ITGA2: variants seen among roughly 807,000 people sequenced by gnomAD.
The protein encoded by ITGA2 is integrin subunit alpha 2.
ITGA2 carries 101 observed loss-of-function variants against 146.3 expected under a neutral mutation model. That is an observed-to-expected ratio of 0.69 (90% CI 0.59 to 0.81). The LOEUF (loss-of-function observed/expected upper bound fraction) is 0.81, where lower values mean the gene tolerates loss of function less well. Ranked by LOEUF, ITGA2 falls within the 40% of genes least tolerant of loss-of-function variation. The pLI, the probability that ITGA2 is intolerant of heterozygous loss-of-function variation, is 0.00. For missense variants in ITGA2, 1,281 were observed against 1,402.7 expected (o/e 0.91, Z 1.39); for synonymous variants, 477 against 487.1 (o/e 0.98, Z 0.27).
At chr5:53,022,860 CT>C (rs1742756642) in intron 1 of ITGA2, among the ~76,000 whole-genome samples, 1 of 152,136 alleles carries the variant, frequency 6.6e-6, no homozygotes, top group Non-Finnish European at 1.5e-5. Flanking sequence ...TTAACTTATG[CT>C]TGACTATCTG....
chr5:53,041,946 A>C (rs1347784748), intron 2 of ITGA2, among the ~76,000 whole-genome samples, 166 bp from the exon 3 acceptor site: 1 of 152,126 alleles, frequency 6.6e-6, no homozygotes, highest in Admixed American at 6.6e-5. Flanking sequence ...ACATTGATCA[A>C]AGCTCTTTAT....
chr5:53,046,776 A>G (rs895049275), intron 4 of ITGA2, among the ~76,000 whole-genome samples: 1 of 152,160 alleles, frequency 6.6e-6, no homozygotes, highest in Non-Finnish European at 1.5e-5. Context: ...GATACTCTTA[A>G]GAATTATGTG....
chr5:53,038,069 A>G (rs1347526522), intron 2 of ITGA2, among the ~76,000 whole-genome samples: 1 of 152,176 alleles, frequency 6.6e-6, no homozygotes, highest in East Asian at 1.9e-4. Context: ...AAGGTTATCA[A>G]ATCCTGAATT....
chr5:53,042,052 G>T lies in ITGA2; in HGVS notation c.186-60G>T, dbSNP rs3212440. ...TGTGTTTTTCACTGTTTGTGATCAG[G>T]TTTATCTTTAAGAAACTATACTTAA... is the stretch of plus-strand genomic sequence containing the variant. On this transcript the variant is annotated intron_variant, in intron 2 of 29. Transcript: ENST00000296585. 1,138 of 995,116 alleles carry T rather than the reference G, an allele frequency of 1.1e-3. 9 individuals carry two copies. The African/African-American group carries it at 0.017, about 15-fold the overall frequency. The allele number at this position is 995,116 out of a possible 1,614,324, so 61.6% of individuals were successfully genotyped here.
chr5:53,008,422 A>G (rs990043929), intron 1 of ITGA2, among the ~76,000 whole-genome samples: 1 of 151,270 alleles, frequency 6.6e-6, no homozygotes, highest in African/African-American at 2.4e-5. Context: ...ATTGAGGGTT[A>G]GGGTTTGAAT....
intron 1 of ITGA2, among the ~76,000 whole-genome samples, chr5:53,020,245 TAG>T (rs1197527623): frequency 6.6e-6 from 1 of 152,162 alleles, no homozygotes; most frequent in Non-Finnish European, 1.5e-5. Context: ...CAGTTTTGAA[TAG>T]AGAGAGAAAA....
intron 13 of ITGA2, 60 bp from the exon 14 acceptor site, chr5:53,064,852 A>T: frequency 6.5e-7 from 1 of 1,536,934 alleles, no homozygotes; most frequent in East Asian, 2.3e-5. Flanking sequence ...GCTGCTCTGA[A>T]TTTTAATTAT....
At position 53,043,716 on chromosome 5, in the gene ITGA2, G is replaced by A. The variant is rs560025490; in HGVS notation, c.296-1285G>A. Among the ~76,000 whole-genome samples the A allele has an allele frequency of 3.3e-5, 5 of 152,280 alleles. No individual in the cohort carries two copies. In the South Asian group the frequency reaches 1.0e-3, roughly 32 times the overall value. On this transcript the variant is annotated intron_variant, in intron 3 of 29. Coordinates refer to ENST00000296585, the MANE Select transcript of ITGA2 (RefSeq NM_002203.4). ...GATACTTTTTGTAGGGAACATGGAG[G>A]CAGCAGTAAAAAGGGATGATTTGTC...
At chr5:53,005,341 TG>T (rs1487899118) in intron 1 of ITGA2, among the ~76,000 whole-genome samples, 1 of 151,960 alleles carries the variant, frequency 6.6e-6, no homozygotes, top group Non-Finnish European at 1.5e-5. Flanking sequence ...GAGATGAAAG[TG>T]GGGGCCAGGT....
At chr5:53,067,352 T>A (rs73756612) in intron 16 of ITGA2, 95 bp downstream of exon 16, 1 of 1,378,914 alleles carries the variant, frequency 7.3e-7, no homozygotes, top group East Asian at 2.4e-5. Flanking sequence ...CCAAGAGAAA[T>A]AAGGGTTTTA....
At position 53,090,008 on chromosome 5, in the gene ITGA2, A is replaced by G; in HGVS notation, c.3411A>G (p.Gly1137=). Residue 1137 remains glycine, a synonymous_variant, in exon 29 of 30, where the codon GGA becomes GGG. Coordinates refer to ENST00000296585, the MANE Select transcript of ITGA2 (RefSeq NM_002203.4). ...KAEVPTGVII[G]SIIAGILLLL... ...AAGTACCAACAGGAGTTATAATAGG[A>G]AGTATAATTGCTGGAATCCTTTTGC... is the stretch of plus-strand genomic sequence containing the variant. 1 of 1,613,602 alleles carries G rather than the reference A, an allele frequency of 6.2e-7. No homozygotes were observed. The highest frequency in any genetic ancestry group is 8.5e-7 in the Non-Finnish European group (1 of 1,179,554).
At chr5:53,063,128 A>G (rs1744976186) in intron 13 of ITGA2, among the ~76,000 whole-genome samples, 199 bp downstream of exon 13, 2 of 151,906 alleles carry the variant, frequency 1.3e-5, no homozygotes, top group African/African-American at 4.8e-5. Context: ...AGTTGAATGT[A>G]TAGTGTACTG....
At chr5:53,004,552 G>A (rs1741733244) in intron 1 of ITGA2, among the ~76,000 whole-genome samples, 1 of 152,082 alleles carries the variant, frequency 6.6e-6, no homozygotes, top group East Asian at 1.9e-4. Context: ...GGGCACTGGA[G>A]GATTGAGGCA....
chr5:53,058,014 G>C lies in ITGA2; in HGVS notation c.1097-11G>C, dbSNP rs1233221319. ...TGACAGTAATACAATTTTTAAAATT[G>C]AATGTTCCAGGTACTGTTCAAGGAG... is the stretch of plus-strand genomic sequence containing the variant. On this transcript the variant is annotated splice_polypyrimidine_tract_variant and intron_variant, in intron 9 of 29. Transcript: ENST00000296585. The C allele has an allele frequency of 3.1e-6, 5 of 1,604,094 alleles. No homozygotes were observed. Among genetic ancestry groups the C allele is most frequent in the Non-Finnish European group, 4.3e-6 (5 of 1,171,808 alleles).
intron 2 of ITGA2, among the ~76,000 whole-genome samples, chr5:53,041,859 C>T: frequency 6.6e-6 from 1 of 152,050 alleles, no homozygotes; most frequent in East Asian, 1.9e-4. Context: ...ATATTCGTAG[C>T]TTGCATTATA....
Position 53,069,479 on chromosome 5 carries a change from G to A in ITGA2, c.2084-630G>A, listed in dbSNP as rs531493268. Among the ~76,000 whole-genome samples, 138 of 151,988 alleles carry A rather than the reference G, an allele frequency of 9.1e-4. 2 individuals carry two copies. The highest frequency in any genetic ancestry group is 8.9e-3 in the Admixed American group (135 of 15,246). ...GAGCATCTAGAATAGGTCAAGCACTGTCCATGTTCCCTTAGAGTATCTCAG... is the reference window on the plus strand; with the variant it reads ...GAGCATCTAGAATAGGTCAAGCACTATCCATGTTCCCTTAGAGTATCTCAG... On this transcript the variant is annotated intron_variant, in intron 16 of 29. Transcript: ENST00000296585.
At chr5:53,088,600 C>T (rs766032150) in intron 28 of ITGA2, among the ~76,000 whole-genome samples, 2 of 150,288 alleles carry the variant, frequency 1.3e-5, no homozygotes, top group East Asian at 2.0e-4. Flanking sequence ...GCAGGAGAAT[C>T]GCTTGAACCT....
chr5:53,010,710 G>C (rs1473151839), intron 1 of ITGA2, among the ~76,000 whole-genome samples: 3 of 152,106 alleles, frequency 2.0e-5, no homozygotes. Context: ...AATGTATTTT[G>C]CATGTGGCAT....
intron 6 of ITGA2, among the ~76,000 whole-genome samples, chr5:53,049,661 A>G (rs553649550): frequency 6.6e-6 from 1 of 152,180 alleles, no homozygotes; most frequent in Non-Finnish European, 1.5e-5. Flanking sequence ...CTAAAGCTCA[A>G]TAGTATTATT....
Sources: allele counts gnomAD v4.1 joint callset (sites outside exome capture counted in the v4.1 genomes callset), GRCh38; gene constraint gnomAD v4.1.1; transcripts MANE v1.5; gene names NCBI Gene and HGNC (gene_info 2026-07-23, HGNC 2026-07-21).